The following RASGRF1 variants were observed in gnomAD, a reference collection of about 807,000 sequenced individuals.
The protein encoded by RASGRF1 is Ras protein specific guanine nucleotide releasing factor 1, also known as ras-specific guanine nucleotide-releasing factor 1.
Under a neutral mutation model 138.7 loss-of-function variants are expected in RASGRF1, and 40 were observed. The ratio of observed to expected loss-of-function variants is 0.29; its 90% confidence interval spans 0.22 to 0.38. The LOEUF is 0.38. Ranked by LOEUF, RASGRF1 falls within the 10% of genes least tolerant of loss-of-function variation. The pLI is 1.00. For missense variants in RASGRF1, 1,108 were observed against 1,650.4 expected, an observed-to-expected ratio of 0.67 and a Z score of 5.69; for synonymous variants, 614 against 663.2, an observed-to-expected ratio of 0.93 and a Z score of 1.14.
At chr15:79,030,779 C>A (rs1254090514) in intron 8 of RASGRF1, among the ~76,000 whole-genome samples, 1 of 152,232 alleles carries the variant, frequency 6.6e-6, no homozygotes, top group African/African-American at 2.4e-5. Flanking sequence ...AGGACCTGAA[C>A]CTCTTCCTGG....
intron 26 of RASGRF1, among the ~76,000 whole-genome samples, chr15:78,963,635 G>T (rs995079522): frequency 6.6e-6 from 1 of 152,052 alleles, no homozygotes; most frequent in Non-Finnish European, 1.5e-5. Flanking sequence ...GAATCTTTTG[G>T]TAGCTGCTTG....
At chr15:79,087,596 C>T (rs533258739) in intron 1 of RASGRF1, among the ~76,000 whole-genome samples, 9 of 152,342 alleles carry the variant, frequency 5.9e-5, no homozygotes, top group East Asian at 1.9e-4. Flanking sequence ...CAAAGCTTCT[C>T]GTAGGCTCAA....
intron 26 of RASGRF1, among the ~76,000 whole-genome samples, chr15:78,963,367 T>G (rs796159068): frequency 1.3e-5 from 2 of 151,906 alleles, no homozygotes; most frequent in South Asian, 4.1e-4. Flanking sequence ...AGTGGTGCAA[T>G]CTGGGCTCAC....
In RASGRF1 at chr15:79,001,655, A is replaced by G. The variant is rs746549331; in HGVS notation, c.2575+7T>C. ...TCTATTTGTGGTTTTGAATTGGTGC[A>G]TTGTACCTGAAGAATTTTTGTTTTT... On this transcript the variant is annotated splice_region_variant and intron_variant, in intron 16 of 26. Coordinates refer to ENST00000558480, the MANE Select transcript of RASGRF1 (RefSeq NM_001145648.3). 4.3e-6 allele frequency: 7 copies of G among 1,612,960 alleles called. No homozygotes were observed. The highest frequency in any genetic ancestry group is 1.3e-5 in the African/African-American group (1 of 74,852).
Position 79,058,495 on chromosome 15 carries a change from G to A in RASGRF1, c.384-14C>T. ...AGGGTCCTGTAGCTGTGGACAGATG[G>A]ACATGGCAGGTAAGATGCTGACTCC... On this transcript the variant is annotated splice_polypyrimidine_tract_variant and intron_variant, in intron 2 of 26. Coordinates refer to ENST00000558480, the MANE Select transcript of RASGRF1 (RefSeq NM_001145648.3). 6.2e-7 allele frequency: 1 copy of A among 1,612,914 alleles called. No individual in the cohort carries two copies. Among genetic ancestry groups the A allele is most frequent in the Non-Finnish European group, 8.5e-7 (1 of 1,178,976 alleles).
At chr15:78,979,080 G>A (rs1567438251) in intron 24 of RASGRF1, 1 of 1,290,232 alleles carries the variant, frequency 7.8e-7, no homozygotes, top group Non-Finnish European at 1.0e-6. Flanking sequence ...TGCCCCGGGG[G>A]CGGACGGACG....
chr15:79,040,262 C>CA (rs2057279587), intron 5 of RASGRF1, among the ~76,000 whole-genome samples: 1 of 152,070 alleles, frequency 6.6e-6, no homozygotes. Flanking sequence ...ATATCTACTC[C>CA]ATCAAAGTTG....
At chr15:79,041,910 C>G (rs1228367378) in intron 5 of RASGRF1, among the ~76,000 whole-genome samples, 1 of 152,194 alleles carries the variant, frequency 6.6e-6, no homozygotes, top group Non-Finnish European at 1.5e-5. Context: ...TCCCTCAGCT[C>G]AGGGCTCCAG....
intron 5 of RASGRF1, among the ~76,000 whole-genome samples, chr15:79,044,568 C>T (rs561575096): frequency 6.6e-6 from 1 of 152,366 alleles, no homozygotes; most frequent in Admixed American, 6.5e-5. Flanking sequence ...CCCATTCCTT[C>T]CATCCCTAAT....
At chr15:79,002,005 C>T (rs972786381) in intron 15 of RASGRF1, among the ~76,000 whole-genome samples, 2 of 152,178 alleles carry the variant, frequency 1.3e-5, no homozygotes, top group Non-Finnish European at 2.9e-5. Context: ...GGCTTTTGCT[C>T]CACCAGGGCT....
rs2057789185 is a variant in RASGRF1 at position 79,073,494 on chromosome 15, G to A, written c.277-8968C>T. Reference sequence around the variant, plus strand: ...GCTATAAGGAGACCACCTGGAGTCGGGGTTGTGAGAGACGAGAAGGGCAGG... The same window carrying A: ...GCTATAAGGAGACCACCTGGAGTCGAGGTTGTGAGAGACGAGAAGGGCAGG... On this transcript the variant is annotated intron_variant, in intron 1 of 26. Transcript: ENST00000558480. The surrounding 1 kb of genome is among the most constrained non-coding windows in gnomAD (Gnocchi z 4.2). Among the ~76,000 whole-genome samples the A allele has an allele frequency of 6.6e-6, 1 of 152,168 alleles. No homozygotes were observed. The highest frequency in any genetic ancestry group is 1.5e-5 in the Non-Finnish European group (1 of 68,026).
At chr15:79,087,281 T>C (rs2057994035) in intron 1 of RASGRF1, among the ~76,000 whole-genome samples, 1 of 152,178 alleles carries the variant, frequency 6.6e-6, no homozygotes, top group South Asian at 2.1e-4. Context: ...GTTGAGGACA[T>C]AAAATATGGA....
At chr15:79,012,563 A>G in intron 13 of RASGRF1, 1 of 1,613,834 alleles carries the variant, frequency 6.2e-7, no homozygotes, top group Non-Finnish European at 8.5e-7. Context: ...TGGTAAGCAG[A>G]TGGGTCCTTG....
chr15:78,976,559 AACACACACACAC>A (rs58602180), intron 24 of RASGRF1, among the ~76,000 whole-genome samples: 4 of 148,662 alleles, frequency 2.7e-5, no homozygotes, highest in African/African-American at 7.4e-5. Flanking sequence ...CACTCAATCA[AACACACACACAC>A]ACACACACAC....
intron 5 of RASGRF1, among the ~76,000 whole-genome samples, chr15:79,044,741 G>C (rs1214486674): frequency 1.3e-5 from 2 of 152,194 alleles, no homozygotes; most frequent in Non-Finnish European, 2.9e-5. Context: ...TCAGCTTCAT[G>C]AGAAGGCAAA....
chr15:79,029,175 C>A (rs10851915), intron 8 of RASGRF1, among the ~76,000 whole-genome samples: 37,002 of 152,164 alleles, frequency 0.24, 4,681 homozygotes, highest in Middle Eastern at 0.32. Flanking sequence ...CAGGGCCTTT[C>A]GCTGGAGTCT....
intron 15 of RASGRF1, among the ~76,000 whole-genome samples, chr15:79,002,773 G>A (rs1395168502): frequency 6.6e-6 from 1 of 152,232 alleles, no homozygotes; most frequent in East Asian, 1.9e-4. Flanking sequence ...GTGTTACTTG[G>A]TATGGAGCCT....
intron 3 of RASGRF1, among the ~76,000 whole-genome samples, chr15:79,056,391 C>T (rs1595946441): frequency 2.0e-5 from 3 of 152,218 alleles, no homozygotes; most frequent in Admixed American, 6.5e-5. Flanking sequence ...CTGTGTTGGG[C>T]GAGGATTGAT....
At chr15:78,963,149 C>T (rs959895716) in intron 26 of RASGRF1, among the ~76,000 whole-genome samples, 1 of 152,178 alleles carries the variant, frequency 6.6e-6, no homozygotes, top group Admixed American at 6.5e-5. Context: ...TGAATGCCTG[C>T]GCATTAAATG....
Sources: gnomAD v4.1 joint callset for allele counts (sites outside exome capture counted in the v4.1 genomes callset) on GRCh38, gnomAD v4.1.1 for gene constraint, Gnocchi (gnomAD v3.1) non-coding constraint, MANE v1.5 for transcripts, NCBI Gene and HGNC (gene_info 2026-07-23, HGNC 2026-07-21) for gene names.